The following SLIT2 variants were observed in gnomAD, a reference collection of about 807,000 sequenced individuals.
SLIT2 encodes the protein slit homolog 2 protein.
In SLIT2, 41 loss-of-function variants were observed where a neutral mutation model predicts 185.7. The observed-to-expected ratio is 0.22, with a 90% CI of 0.17 to 0.29. The LOEUF is 0.29. Ranked by LOEUF, SLIT2 falls within the 10% of genes least tolerant of loss-of-function variation. The pLI is 1.00. For missense variants in SLIT2, 1,571 were observed against 1,909.0 expected, an observed-to-expected ratio of 0.82 and a Z score of 3.30; for synonymous variants, 693 against 680.2, an observed-to-expected ratio of 1.02 and a Z score of -0.29.
chr4:20,492,472 A>G lies in SLIT2; in HGVS notation c.914+573A>G, dbSNP rs567463902. 4.6e-5 allele frequency among the ~76,000 whole-genome samples: 7 copies of G among 152,340 alleles called. No homozygotes were observed. The East Asian group carries it at 1.3e-3, about 29-fold the overall frequency. ...TTAAATTCTTATGACAAACTATTGC[A>G]CACGTATTTTGTATGCAGCTGCTGA... On this transcript the variant is annotated intron_variant, in intron 9 of 36. Coordinates refer to ENST00000504154, the MANE Select transcript of SLIT2 (RefSeq NM_004787.4).
chr4:20,520,494 G>A (rs1044195638), intron 12 of SLIT2, among the ~76,000 whole-genome samples: 5 of 151,922 alleles, frequency 3.3e-5, no homozygotes, highest in South Asian at 2.1e-4. Flanking sequence ...AAATCCTTAC[G>A]CATACAATGT....
intron 4 of SLIT2, among the ~76,000 whole-genome samples, chr4:20,380,473 G>A (rs539045229): frequency 1.5e-4 from 23 of 152,096 alleles, no homozygotes; most frequent in Non-Finnish European, 2.2e-4. Flanking sequence ...GTTTCAGATA[G>A]CACTGAATAG....
rs142368148 is a variant in SLIT2, at chr4:20,314,711, A to G, written c.395+45830A>G. Among the ~76,000 whole-genome samples, 777 of 152,260 alleles carry G rather than the reference A, an allele frequency of 5.1e-3. 15 individuals are homozygous for G. The highest frequency in any genetic ancestry group is 3.9e-3 in the Non-Finnish European group (262 of 67,990). ...TTTTCATATGAAAAGAGGTCTTATG[A>G]CTTTATTTAAAAAGACAAACAATAT... On this transcript the variant is annotated intron_variant, in intron 4 of 36. Transcript: ENST00000504154.
At chr4:20,405,639 T>C (rs963434814) in intron 4 of SLIT2, among the ~76,000 whole-genome samples, 4 of 151,636 alleles carry the variant, frequency 2.6e-5, no homozygotes, top group African/African-American at 7.3e-5. Context: ...AAATGGAAGG[T>C]GGTATTAGTA....
Position 20,595,962 on chromosome 4 carries a change from CA to C in SLIT2, c.3320+130del, listed in dbSNP as rs1335186705. ...GAGTATAACTGGATTGTTTGTAACACAAGGATAAATACTTGAGGGGATGGAT... is the reference window on the plus strand; with the variant it reads ...GAGTATAACTGGATTGTTTGTAACACAGGATAAATACTTGAGGGGATGGAT... On this transcript the variant is annotated intron_variant, in intron 31 of 36. Coordinates refer to ENST00000504154, the MANE Select transcript of SLIT2 (RefSeq NM_004787.4). The C allele has an allele frequency of 1.0e-5, 8 of 793,206 alleles. No homozygotes were observed. The African/African-American group carries it at 1.4e-4, about 14-fold the overall frequency. 49.1% of individuals were successfully genotyped at this position (793,206 alleles called of 1,614,324 possible).
chr4:20,539,432 T>C lies in SLIT2; in HGVS notation c.1833-9T>C, dbSNP rs1247053719. On this transcript the variant is annotated splice_polypyrimidine_tract_variant and intron_variant, in intron 18 of 36. Coordinates refer to ENST00000504154, the MANE Select transcript of SLIT2 (RefSeq NM_004787.4). ...TGTCTCCATAACAATGTCCTTTTTT[T>C]CCCCTCAGGATGTTGAGAAGCAATC... is the stretch of plus-strand genomic sequence containing the variant. The C allele has an allele frequency of 8.1e-6, 13 of 1,607,600 alleles. No homozygotes were observed. Among genetic ancestry groups the C allele is most frequent in the African/African-American group, 5.4e-5 (4 of 74,620 alleles).
intron 4 of SLIT2, among the ~76,000 whole-genome samples, chr4:20,282,761 C>T (rs796265277): frequency 3.3e-5 from 5 of 152,286 alleles, no homozygotes; most frequent in African/African-American, 1.2e-4. Context: ...TCTTTCTTAA[C>T]TATTCCTGTT....
chr4:20,337,192 A>G (rs2109219581), intron 4 of SLIT2, among the ~76,000 whole-genome samples: 1 of 152,286 alleles, frequency 6.6e-6, no homozygotes, highest in Non-Finnish European at 1.5e-5. Flanking sequence ...TACAGGAAAA[A>G]GGGTTTAATG....
intron 4 of SLIT2, among the ~76,000 whole-genome samples, chr4:20,436,434 C>A (rs150782005): frequency 1.8e-4 from 27 of 152,290 alleles, no homozygotes; most frequent in Non-Finnish European, 3.2e-4. Flanking sequence ...TCCGGAATTT[C>A]CTAGATTTGA....
chr4:20,554,632 G>A (rs543030663), intron 26 of SLIT2, among the ~76,000 whole-genome samples: 20 of 152,128 alleles, frequency 1.3e-4, no homozygotes, highest in Non-Finnish European at 2.5e-4. Context: ...TGGAGATAAC[G>A]ACTACTAAAG....
chr4:20,267,102 C>T (rs560334182), intron 3 of SLIT2, among the ~76,000 whole-genome samples: 75 of 151,996 alleles, frequency 4.9e-4, no homozygotes, highest in African/African-American at 1.7e-3. Flanking sequence ...ATCTCATTAC[C>T]ACTGTTGCAA....
chr4:20,542,361 G>T, intron 20 of SLIT2, 133 bp from the exon 21 acceptor site: 1 of 870,150 alleles, frequency 1.1e-6, no homozygotes, highest in East Asian at 2.4e-5. Flanking sequence ...AGTAAATACT[G>T]AATGTCCCGC....
At chr4:20,514,028 T>C (rs1274642825) in intron 11 of SLIT2, among the ~76,000 whole-genome samples, 1 of 152,128 alleles carries the variant, frequency 6.6e-6, no homozygotes, top group African/African-American at 2.4e-5. Flanking sequence ...GGAAAGCCAG[T>C]GAAAGCTAGA....
intron 4 of SLIT2, among the ~76,000 whole-genome samples, chr4:20,438,438 C>T (rs1297912822): frequency 6.6e-6 from 1 of 152,128 alleles, no homozygotes; most frequent in African/African-American, 2.4e-5. Flanking sequence ...ATTTTTAAAA[C>T]CATCAGATCT....
At chr4:20,352,033 CATT>C (rs967697313) in intron 4 of SLIT2, among the ~76,000 whole-genome samples, 22 of 152,160 alleles carry the variant, frequency 1.4e-4, no homozygotes, top group Non-Finnish European at 2.9e-4. Context: ...GCGAGAATGA[CATT>C]ATATCTGCTG....
chr4:20,370,753 T>G (rs1723505603), intron 4 of SLIT2, among the ~76,000 whole-genome samples: 2 of 152,122 alleles, frequency 1.3e-5, no homozygotes, highest in African/African-American at 4.8e-5. Flanking sequence ...AACACCAATT[T>G]CAGCATCCAT....
chr4:20,505,043 T>C (rs1000601396), intron 9 of SLIT2, among the ~76,000 whole-genome samples: 4 of 152,126 alleles, frequency 2.6e-5, no homozygotes, highest in African/African-American at 9.7e-5. Context: ...GTCTACCATA[T>C]ATGCTGTAGA....
intron 11 of SLIT2, among the ~76,000 whole-genome samples, chr4:20,516,292 GCAA>G (rs1211434956): frequency 1.3e-5 from 2 of 152,030 alleles, no homozygotes; most frequent in African/African-American, 2.4e-5. Flanking sequence ...AAAAAGACTA[GCAA>G]CAACAACAAC....
chr4:20,348,075 G>A (rs1461496692), intron 4 of SLIT2, among the ~76,000 whole-genome samples: 2 of 152,208 alleles, frequency 1.3e-5, no homozygotes, highest in Non-Finnish European at 2.9e-5. Context: ...CACCGTACCA[G>A]TGGTGACCAT....
Sources: gnomAD v4.1 joint callset for allele counts (sites outside exome capture counted in the v4.1 genomes callset) on GRCh38, gnomAD v4.1.1 for gene constraint, MANE v1.5 for transcripts, NCBI Gene and HGNC (gene_info 2026-07-23, HGNC 2026-07-21) for gene names.